The following MIAT variants were observed in gnomAD, a reference collection of about 807,000 sequenced individuals.
The protein encoded by MIAT is myocardial infarction associated transcript.
chr22:26,674,333 G>A (rs565485916), downstream of MIAT: 118 of 398,740 alleles, frequency 3.0e-4, no homozygotes, highest in Non-Finnish European at 4.7e-4. Flanking sequence ...AGAGGGGCAG[G>A]GAGCATACGC....
chr22:26,650,766 A>C (rs1021679935), intron 2 of MIAT, among the ~76,000 whole-genome samples: 1 of 152,186 alleles, frequency 6.6e-6, no homozygotes, highest in Non-Finnish European at 1.5e-5. Context: ...GGGGTGGTAC[A>C]TCCCTTCCTA....
chr22:26,646,864 G>A (rs5752372), exon 1 of MIAT: 332,842 of 398,430 alleles, frequency 0.84, 139,247 homozygotes, highest in South Asian at 0.9. Context: ...AGGACCACAG[G>A]CCACAGGAAT....
downstream of MIAT, chr22:26,671,901 C>T: frequency 2.5e-6 from 1 of 398,594 alleles, no homozygotes; most frequent in East Asian, 3.6e-5. Context: ...TGCCTAGGCC[C>T]TGGCCTCTCT....
intron 2 of MIAT, among the ~76,000 whole-genome samples, chr22:26,654,369 AAGTAGATATTGGAAATGAT>A (rs1930387713): frequency 6.6e-6 from 1 of 152,156 alleles, no homozygotes; most frequent in Non-Finnish European, 1.5e-5. Context: ...ATTTTTTTCC[AAGTAGATATTGGAAATGAT>A]AGACTGACAG....
At chr22:26,649,478 G>T (rs1375800056) in intron 2 of MIAT, among the ~76,000 whole-genome samples, 3 of 152,204 alleles carry the variant, frequency 2.0e-5, no homozygotes, top group Non-Finnish European at 4.4e-5. Context: ...GTTTCCTTGT[G>T]TGCCCAAGGC....
chr22:26,649,388 C>G (rs1201051641), intron 2 of MIAT, among the ~76,000 whole-genome samples: 1 of 152,202 alleles, frequency 6.6e-6, no homozygotes, highest in African/African-American at 2.4e-5. Flanking sequence ...GCCTGGCAGT[C>G]CCTGGTGGAT....
exon 6 of MIAT, chr22:26,668,247 A>G: frequency 2.5e-6 from 1 of 398,594 alleles, no homozygotes; most frequent in Admixed American, 4.4e-5. Flanking sequence ...ACAGTGACTT[A>G]GCGGTCAGAC....
At chr22:26,667,201 G>GC in exon 5 of MIAT, 1 of 398,656 alleles carries the variant, frequency 2.5e-6, no homozygotes, top group East Asian at 3.6e-5. Flanking sequence ...CATGGACCAA[G>GC]CAACTTCTCT....
intron 2 of MIAT, among the ~76,000 whole-genome samples, chr22:26,649,934 G>T (rs5761659): frequency 0.15 from 22,146 of 152,138 alleles, 1,950 homozygotes; most frequent in East Asian, 0.35. Context: ...GAGTGGAGGA[G>T]TTCCACGACA....
downstream of MIAT, chr22:26,671,888 T>G (rs1014311832): frequency 2.5e-6 from 1 of 398,424 alleles, no homozygotes; most frequent in African/African-American, 2.1e-5. Context: ...TGAACACGTC[T>G]GCTGCCTAGG....
exon 4 of MIAT, chr22:26,665,717 G>GA (rs1225375802): frequency 2.5e-6 from 1 of 398,500 alleles, no homozygotes; most frequent in Non-Finnish European, 4.4e-6. Flanking sequence ...AGTGGGAGGG[G>GA]AAATGGGTGA....
At chr22:26,656,947 T>C (rs1328080494) in intron 2 of MIAT, among the ~76,000 whole-genome samples, 1 of 152,190 alleles carries the variant, frequency 6.6e-6, no homozygotes, top group Non-Finnish European at 1.5e-5. Context: ...AAATTCAAGA[T>C]TAAACCTATA....
At chr22:26,663,340 G>T (rs1404279053) in exon 3 of MIAT, 1 of 398,514 alleles carries the variant, frequency 2.5e-6, no homozygotes, top group African/African-American at 2.1e-5. Context: ...CCACCCATGT[G>T]GTTCCAGACA....
chr22:26,654,567 C>CTA (rs1314347542), intron 2 of MIAT, among the ~76,000 whole-genome samples: 1 of 152,088 alleles, frequency 6.6e-6, no homozygotes, highest in Non-Finnish European at 1.5e-5. Context: ...AGGGGGAAGT[C>CTA]GTAGACCTGT....
At position 26,646,453 on chromosome 22, in the gene MIAT, A is replaced by G. The variant is rs1348311485; in HGVS notation, n.2A>G. On this transcript the variant is annotated non_coding_transcript_exon_variant, in exon 1 of 6. Transcript: ENST00000643270. ...CAGGCTGGAGTAGACAGGAACCACG[A>G]GAGGCAGGGAGGACTGTACAGGGGT... 23 of 399,208 alleles carry G rather than the reference A, an allele frequency of 5.8e-5. No individual in the cohort carries two copies. In the East Asian group the frequency reaches 8.2e-4, roughly 14 times the overall value. The allele number at this position is 399,208 out of a possible 1,614,324, so 24.7% of individuals were successfully genotyped here. A position where few individuals can be genotyped will look rare whatever the true frequency, so the allele number is the denominator to read the frequency against.
exon 3 of MIAT, chr22:26,663,397 A>G (rs894473955): frequency 2.5e-6 from 1 of 398,530 alleles, no homozygotes; most frequent in Non-Finnish European, 4.4e-6. Flanking sequence ...GGGGTAACCA[A>G]GGTGATCCTC....
rs530217615 is a variant in MIAT, at chr22:26,653,888, C to T, written n.646+6577C>T. Among the ~76,000 whole-genome samples, 51 of 152,206 alleles carry T rather than the reference C, an allele frequency of 3.4e-4. 2 individuals are homozygous for T. In the East Asian group the frequency reaches 4.6e-3, roughly 14 times the overall value. On this transcript the variant is annotated intron_variant and non_coding_transcript_variant, in intron 2 of 5. Coordinates refer to ENST00000643270, the Ensembl canonical transcript of MIAT. ...CTGAGTAGCTGGGATTACAGGTGCA[C>T]GCTACCATGCCTGGCTAATCTTTGT...
intron 2 of MIAT, among the ~76,000 whole-genome samples, chr22:26,661,958 A>ATATATATG (rs1930690706): frequency 8.3e-5 from 4 of 48,126 alleles, no homozygotes. Flanking sequence ...ATATATATAT[A>ATATATATG]TATACACACA....
At chr22:26,649,786 GC>G (rs1602353229) in intron 2 of MIAT, among the ~76,000 whole-genome samples, 2 of 152,196 alleles carry the variant, frequency 1.3e-5, no homozygotes, top group Non-Finnish European at 2.9e-5. Context: ...GGTGGCATGC[GC>G]CTGTAGTCCC....
Sources: gnomAD v4.1 joint callset for allele counts (sites outside exome capture counted in the v4.1 genomes callset) on GRCh38, gnomAD v4.1.1 for gene constraint, MANE v1.5 for transcripts, NCBI Gene and HGNC (gene_info 2026-07-23, HGNC 2026-07-21) for gene names.